The following TRIO variants were observed in gnomAD, a reference collection of about 807,000 sequenced individuals.
The protein encoded by TRIO is triple functional domain protein.
Under a neutral mutation model 351.9 loss-of-function variants are expected in TRIO, and 58 were observed. That is an observed-to-expected ratio of 0.16 (90% CI 0.13 to 0.21). The LOEUF is 0.21. TRIO is among the 10% of genes least tolerant of loss of function. The pLI is 1.00. For missense variants in TRIO, 3,201 were observed against 4,027.8 expected, an observed-to-expected ratio of 0.79 and a Z score of 5.56; for synonymous variants, 1,758 against 1,595.7, an observed-to-expected ratio of 1.10 and a Z score of -2.42.
chr5:14,505,047 C>T (rs755218456), intron 55 of TRIO, among the ~76,000 whole-genome samples: 2 of 152,354 alleles, frequency 1.3e-5, no homozygotes, highest in East Asian at 1.9e-4. Context: ...GAGGGTAAGA[C>T]GCACCTCCCC....
At chr5:14,372,189 G>C (rs1342457279) in intron 18 of TRIO, among the ~76,000 whole-genome samples, 1 of 144,248 alleles carries the variant, frequency 6.9e-6, no homozygotes, top group East Asian at 2.2e-4. Flanking sequence ...TGTGAGCCTT[G>C]ATCAGAGCTG....
chr5:14,380,784 A>G (rs1041014353), intron 20 of TRIO, among the ~76,000 whole-genome samples: 35 of 152,328 alleles, frequency 2.3e-4, no homozygotes, highest in African/African-American at 8.2e-4. Flanking sequence ...TTATTGAAAC[A>G]CTATTCACAA....
At chr5:14,375,675 A>T (rs969687822) in intron 19 of TRIO, among the ~76,000 whole-genome samples, 7 of 152,094 alleles carry the variant, frequency 4.6e-5, no homozygotes, top group Non-Finnish European at 8.8e-5. Flanking sequence ...ACGTGGTCAG[A>T]GGACCCCCAG....
intron 20 of TRIO, among the ~76,000 whole-genome samples, chr5:14,380,692 C>A (rs546691680): frequency 6.6e-6 from 1 of 152,190 alleles, no homozygotes; most frequent in African/African-American, 2.4e-5. Context: ...CCAGAAATAC[C>A]ATTTGACCTA....
intron 13 of TRIO, among the ~76,000 whole-genome samples, chr5:14,361,602 A>G (rs1744157493): frequency 1.3e-5 from 2 of 152,190 alleles, no homozygotes; most frequent in Admixed American, 1.3e-4. Context: ...TCGATGGTAG[A>G]ATTGATCTGT....
At chr5:14,383,719 T>A (rs1746314008) in intron 21 of TRIO, among the ~76,000 whole-genome samples, 1 of 152,180 alleles carries the variant, frequency 6.6e-6, no homozygotes, top group Non-Finnish European at 1.5e-5. Flanking sequence ...TTCTTAGCAA[T>A]CTTTTTCTTT....
intron 5 of TRIO, among the ~76,000 whole-genome samples, chr5:14,292,767 AC>A (rs1737023380): frequency 1.3e-5 from 2 of 152,314 alleles, no homozygotes; most frequent in South Asian, 4.1e-4. Context: ...AACTCTCTTT[AC>A]TTATCTGCTT....
At chr5:14,186,797 C>A (rs557064029) in intron 1 of TRIO, among the ~76,000 whole-genome samples, 2 of 152,118 alleles carry the variant, frequency 1.3e-5, no homozygotes, top group Admixed American at 6.5e-5. Context: ...AGGCTGGTCT[C>A]GTACTCCTGA....
intron 13 of TRIO, 85 bp from the exon 14 acceptor site, chr5:14,363,647 C>T (rs754035300): frequency 7.9e-5 from 104 of 1,310,486 alleles, no homozygotes; most frequent in Non-Finnish European, 1.1e-4. Flanking sequence ...GGCAGAGAGA[C>T]ATCTCTTCCT....
intron 8 of TRIO, among the ~76,000 whole-genome samples, chr5:14,310,937 C>T (rs1456380295): frequency 2.0e-5 from 3 of 152,218 alleles, no homozygotes; most frequent in African/African-American, 4.8e-5. Flanking sequence ...CCGCCCACCT[C>T]GGCCTCCCAA....
In TRIO at chr5:14,291,817, G is replaced by C. The variant is rs568348763; in HGVS notation, c.1053+589G>C. Among the ~76,000 whole-genome samples the C allele has an allele frequency of 5.7e-3, 562 of 99,136 alleles. 9 individuals carry two copies. Among genetic ancestry groups the C allele is most frequent in the African/African-American group, 0.021 (496 of 23,256 alleles). 65.0% of individuals were successfully genotyped at this position (99,136 alleles called of 152,430 possible). On this transcript the variant is annotated intron_variant, in intron 5 of 56. Transcript: ENST00000344204. ...AAAAAAAAAAAAAAAAAAAAAAAAA[G>C]TGAAAATTTCACAGGGTTATGTTAT... is the stretch of plus-strand genomic sequence containing the variant.
intron 31 of TRIO, among the ~76,000 whole-genome samples, chr5:14,402,609 G>T (rs1239073052): frequency 1.3e-5 from 2 of 152,016 alleles, no homozygotes; most frequent in Admixed American, 6.6e-5. Context: ...GGAGATGGTG[G>T]TGGTATGGAT....
intron 47 of TRIO, among the ~76,000 whole-genome samples, chr5:14,485,988 CA>C (rs376098052): frequency 0.019 from 2,639 of 138,786 alleles, 67 homozygotes; most frequent in African/African-American, 0.057. Flanking sequence ...AACTCTGTCT[CA>C]AAAAAAAAAA....
chr5:14,470,599 C>T (rs1754612637), intron 37 of TRIO, among the ~76,000 whole-genome samples: 1 of 152,186 alleles, frequency 6.6e-6, no homozygotes, highest in South Asian at 2.1e-4. Flanking sequence ...ATTTGCTGAA[C>T]ACTTGCAAAG....
intron 11 of TRIO, among the ~76,000 whole-genome samples, chr5:14,348,263 C>A (rs1174806056): frequency 6.6e-6 from 1 of 152,232 alleles, no homozygotes; most frequent in East Asian, 1.9e-4. Flanking sequence ...CTGGTAAGAA[C>A]ATGCCCTGGA....
chr5:14,202,760 G>C (rs1056763212), intron 1 of TRIO, among the ~76,000 whole-genome samples: 7 of 148,732 alleles, frequency 4.7e-5, no homozygotes, highest in Admixed American at 3.4e-4. Flanking sequence ...TGTACAATGG[G>C]GCCTCACTCT....
At chr5:14,349,506 A>C (rs1265953604) in intron 11 of TRIO, among the ~76,000 whole-genome samples, 1 of 152,098 alleles carries the variant, frequency 6.6e-6, no homozygotes, top group African/African-American at 2.4e-5. Context: ...CTGAAGCCGC[A>C]GGGCCCAAGG....
rs201753473 is a variant in TRIO at position 14,273,560 on chromosome 5, G to T, written c.232+2661G>T. 6.6e-5 allele frequency among the ~76,000 whole-genome samples: 10 copies of T among 152,322 alleles called. 1 individual carries two copies. In the East Asian group the frequency reaches 1.9e-3, roughly 29 times the overall value. On this transcript the variant is annotated intron_variant, in intron 2 of 56. Coordinates refer to ENST00000344204, the MANE Select transcript of TRIO (RefSeq NM_007118.4). ...TATTAAGAGGTGGGACCTTTAAGAG[G>T]CAATTAGGCCATGAGGGCTCCTCCC...
chr5:14,395,386 C>G (rs1036264187), intron 28 of TRIO, among the ~76,000 whole-genome samples: 3 of 152,202 alleles, frequency 2.0e-5, no homozygotes, highest in Non-Finnish European at 2.9e-5. Context: ...TCAGTGTCCT[C>G]AAGATGTAAG....
Sources: gnomAD v4.1 joint callset for allele counts (sites outside exome capture counted in the v4.1 genomes callset) on GRCh38, gnomAD v4.1.1 for gene constraint, MANE v1.5 for transcripts, NCBI Gene and HGNC (gene_info 2026-07-23, HGNC 2026-07-21) for gene names.